Variants in NEDD9 observed in about 807,000 individuals in gnomAD.
NEDD9 encodes the protein neural precursor cell expressed, developmentally down-regulated 9, also known as enhancer of filamentation 1.
Under a neutral mutation model 76.6 loss-of-function variants are expected in NEDD9, and 26 were observed. The observed-to-expected ratio is 0.34, with a 90% confidence interval of 0.25 to 0.47. The LOEUF (loss-of-function observed/expected upper bound fraction) is 0.47, where lower values mean the gene tolerates loss of function less well. Among genes scored for constraint, NEDD9 ranks in the 20% least tolerant of loss-of-function variants. The pLI, the probability that NEDD9 is intolerant of heterozygous loss-of-function variation, is 1.00. For synonymous variants in NEDD9, 392 were observed against 414.2 expected, an observed-to-expected ratio of 0.95 and a Z score of 0.65; for missense variants, 937 against 1,058.5, an observed-to-expected ratio of 0.89 and a Z score of 1.59.
At position 11,274,793 on chromosome 6, in the gene NEDD9, G is replaced by GT. The variant is rs1215925434; in HGVS notation, c.12+31198_12+31199insA. Reference sequence around the variant, plus strand: ...AAATGTACACTAGTACAGTCCTTATGAAAAACAGTAGGGAAATTCCTCAAA... The same window carrying GT: ...AAATGTACACTAGTACAGTCCTTATGTAAAAACAGTAGGGAAATTCCTCAAA... On this transcript the variant is annotated intron_variant, in intron 3 of 3. Transcript: ENST00000397378. Among the ~76,000 whole-genome samples the GT allele has an allele frequency of 2.0e-5, 3 of 152,248 alleles. No individual in the cohort carries two copies. In the East Asian group the frequency reaches 5.8e-4, roughly 29 times the overall value.
At chr6:11,203,106 A>G (rs944431677) in intron 2 of NEDD9, among the ~76,000 whole-genome samples, 1 of 152,254 alleles carries the variant, frequency 6.6e-6, no homozygotes, top group East Asian at 1.9e-4. Flanking sequence ...ACCAAGCACC[A>G]GCGAGCAGCT....
At chr6:11,221,298 G>T (rs1422564072) in intron 1 of NEDD9, among the ~76,000 whole-genome samples, 1 of 151,554 alleles carries the variant, frequency 6.6e-6, no homozygotes, top group Non-Finnish European at 1.5e-5. Flanking sequence ...CAGGAGAATT[G>T]CTTGAACCTG....
chr6:11,245,003 A>G (rs1759780878), intron 3 of NEDD9, among the ~76,000 whole-genome samples: 3 of 152,252 alleles, frequency 2.0e-5, no homozygotes, highest in Admixed American at 2.0e-4. Context: ...TCTACTGGAA[A>G]GTATTTTCCT....
intron 1 of NEDD9, among the ~76,000 whole-genome samples, chr6:11,379,365 G>T (rs1401532828): frequency 6.6e-6 from 1 of 152,018 alleles, no homozygotes; most frequent in Non-Finnish European, 1.5e-5. Context: ...AGGTGGGCGG[G>T]TCACCTGAGG....
intron 2 of NEDD9, among the ~76,000 whole-genome samples, chr6:11,324,762 TG>T (rs774944987): frequency 3.0e-5 from 3 of 100,242 alleles, no homozygotes; most frequent in Non-Finnish European, 5.7e-5. Flanking sequence ...AAGTGTGTTT[TG>T]TCTATGATGA....
At chr6:11,372,327 G>C (rs1247024009) in intron 1 of NEDD9, among the ~76,000 whole-genome samples, 1 of 152,126 alleles carries the variant, frequency 6.6e-6, no homozygotes, top group East Asian at 1.9e-4. Context: ...CAAATGACTG[G>C]ATCTCATTCT....
rs59651160 is a variant in NEDD9, at chr6:11,199,637, C to CTTTTTTTTTTTTTTTTTTTTTT, written c.460-5967_460-5946dup. 7.0e-5 allele frequency: 3 copies of CTTTTTTTTTTTTTTTTTTTTTT among 43,110 alleles called. 1 individual carries two copies. The highest frequency in any genetic ancestry group is 1.3e-4 in the Non-Finnish European group (3 of 23,372). 2.7% of individuals were successfully genotyped at this position (43,110 alleles called of 1,614,324 possible). A position where few individuals can be genotyped will look rare whatever the true frequency, so the allele number is the denominator to read the frequency against. ...AAAATGAAGAAAAGCTAGGAAAGAT[C>CTTTTTTTTTTTTTTTTTTTTTT]TTTTTTTTTTTTTTTTTTTTTTTTT... On this transcript the variant is annotated intron_variant, in intron 2 of 6. Transcript: ENST00000379446.
chr6:11,363,374 C>T lies in NEDD9; in HGVS notation c.-214+18765G>A, dbSNP rs185750651. Among the ~76,000 whole-genome samples the T allele has an allele frequency of 4.6e-5, 7 of 151,910 alleles. No individual in the cohort carries two copies. The East Asian group carries it at 9.7e-4, about 21-fold the overall frequency. ...TACAATGGGATGATTTCAATTACGG[C>T]GAGATGATTCACTATCTAGATCTTA... On this transcript the variant is annotated intron_variant, in intron 1 of 3. Transcript: ENST00000397378.
chr6:11,251,996 TCC>T (rs1333700910), intron 3 of NEDD9, among the ~76,000 whole-genome samples: 1 of 152,136 alleles, frequency 6.6e-6, no homozygotes, highest in Non-Finnish European at 1.5e-5. Context: ...TGCTTGCACT[TCC>T]CATCAATGCA....
intron 1 of NEDD9, among the ~76,000 whole-genome samples, chr6:11,366,964 C>T (rs747982773): frequency 6.6e-6 from 1 of 152,122 alleles, no homozygotes; most frequent in Non-Finnish European, 1.5e-5. Flanking sequence ...ATATTTTGAT[C>T]CAATGTTGTT....
intron 1 of NEDD9, among the ~76,000 whole-genome samples, chr6:11,335,039 C>T (rs767681682): frequency 9.2e-5 from 14 of 152,130 alleles, no homozygotes; most frequent in African/African-American, 2.9e-4. Context: ...AACTTAACAT[C>T]GACTGTTCTA....
At chr6:11,298,020 G>A (rs967861990) in intron 3 of NEDD9, among the ~76,000 whole-genome samples, 1 of 150,694 alleles carries the variant, frequency 6.6e-6, no homozygotes, top group African/African-American at 2.4e-5. Context: ...CAATTCTCAT[G>A]CCTCAGCCTT....
Position 11,213,780 on chromosome 6 carries a change from T to A in NEDD9, c.13-53A>T. The A allele has an allele frequency of 3.9e-6, 6 of 1,545,638 alleles. No individual in the cohort carries two copies. The highest frequency in any genetic ancestry group is 4.4e-6 in the Non-Finnish European group (5 of 1,126,916). Reference sequence around the variant, plus strand: ...GTGTTAGAATATTGGGTCGGTCCCTTTATCACCTAAGGCCCGTGCTCTTAT... The same window carrying A: ...GTGTTAGAATATTGGGTCGGTCCCTATATCACCTAAGGCCCGTGCTCTTAT... On this transcript the variant is annotated intron_variant, in intron 1 of 6. Coordinates refer to ENST00000379446, the MANE Select transcript of NEDD9 (RefSeq NM_006403.4). This position sits in a 1 kb window ranked among gnomAD's most constrained non-coding sequence, Gnocchi z 5.4.
chr6:11,206,195 G>C (rs573768324), intron 2 of NEDD9, among the ~76,000 whole-genome samples: 1 of 152,124 alleles, frequency 6.6e-6, no homozygotes, highest in African/African-American at 2.4e-5. Context: ...GAGGTGGGCA[G>C]ATCACCTGAG....
At chr6:11,267,226 C>A (rs1760216625) in intron 3 of NEDD9, among the ~76,000 whole-genome samples, 1 of 152,164 alleles carries the variant, frequency 6.6e-6, no homozygotes, top group Non-Finnish European at 1.5e-5. Flanking sequence ...GTGCTCCCTG[C>A]AAATGTGTCC....
chr6:11,380,953 C>T (rs1652674159), intron 1 of NEDD9, among the ~76,000 whole-genome samples: 1 of 152,198 alleles, frequency 6.6e-6, no homozygotes, highest in African/African-American at 2.4e-5. Flanking sequence ...GGACTATAGG[C>T]ATACACCACC....
chr6:11,245,187 G>A (rs1185389243), intron 3 of NEDD9, among the ~76,000 whole-genome samples: 1 of 152,138 alleles, frequency 6.6e-6, no homozygotes, highest in Non-Finnish European at 1.5e-5. Context: ...ACCAAAAGGA[G>A]CATTTTCTGT....
chr6:11,313,548 ATGGATAGATGGG>A (rs1394165107), intron 2 of NEDD9, among the ~76,000 whole-genome samples: 3 of 129,520 alleles, frequency 2.3e-5, no homozygotes, highest in Admixed American at 9.1e-5. Context: ...GGGTGGATGG[ATGGATAGATGGG>A]TGGATAGATG....
At chr6:11,251,008 T>G (rs890692293) in intron 3 of NEDD9, among the ~76,000 whole-genome samples, 6 of 152,246 alleles carry the variant, frequency 3.9e-5, no homozygotes, top group South Asian at 2.1e-4. Context: ...TTTTCTGCTG[T>G]AAGGAGACTT....
Sources: allele counts gnomAD v4.1 joint callset (sites outside exome capture counted in the v4.1 genomes callset), GRCh38; gene constraint gnomAD v4.1.1; non-coding constraint Gnocchi (gnomAD v3.1); transcripts MANE v1.5; gene names NCBI Gene and HGNC (gene_info 2026-07-23, HGNC 2026-07-21).